VEPH1: variants seen among roughly 807,000 people sequenced by gnomAD.
The protein encoded by VEPH1 is ventricular zone-expressed PH domain-containing protein homolog 1.
A neutral mutation model predicts 85.2 loss-of-function variants in VEPH1; 80 were observed. That is an observed-to-expected ratio of 0.94 (90% CI 0.78 to 1.13). The LOEUF (loss-of-function observed/expected upper bound fraction) is 1.13. Ranked by LOEUF, VEPH1 falls within the 50% of genes most tolerant of loss-of-function variation. The pLI is 0.00. For synonymous variants in VEPH1, 297 were observed against 348.0 expected, an observed-to-expected ratio of 0.85 and a Z score of 1.63; for missense variants, 955 against 980.5, an observed-to-expected ratio of 0.97 and a Z score of 0.35.
At chr3:157,421,511 A>C (rs1732335634) in intron 5 of VEPH1, among the ~76,000 whole-genome samples, 1 of 152,212 alleles carries the variant, frequency 6.6e-6, no homozygotes, top group Non-Finnish European at 1.5e-5. Context: ...GAAATGAATT[A>C]GGCTTAACTT....
At chr3:157,415,962 C>T (rs141620627) in intron 5 of VEPH1, among the ~76,000 whole-genome samples, 33 of 152,198 alleles carry the variant, frequency 2.2e-4, no homozygotes, top group African/African-American at 5.8e-4. Flanking sequence ...TCCCAGTGTA[C>T]CCTAAGTGGC....
chr3:157,437,490 C>A (rs1386256618), intron 4 of VEPH1: 29 of 1,593,180 alleles, frequency 1.8e-5, no homozygotes, highest in Non-Finnish European at 2.5e-5. Context: ...GGGCTGCTAA[C>A]GTGTGTGTAT....
intron 2 of VEPH1, among the ~76,000 whole-genome samples, chr3:157,487,645 T>G (rs77385555): frequency 6.6e-6 from 1 of 152,142 alleles, no homozygotes; most frequent in Admixed American, 6.6e-5. Flanking sequence ...CAATCTCATA[T>G]ATAAGCATAG....
intron 11 of VEPH1, among the ~76,000 whole-genome samples, chr3:157,287,356 C>G (rs1176899066): frequency 6.6e-6 from 1 of 150,904 alleles, no homozygotes; most frequent in Non-Finnish European, 1.5e-5. Flanking sequence ...GCCCGGGTGA[C>G]AGAGTGAGAC....
At chr3:157,312,080 A>G (rs1294103449) in intron 11 of VEPH1, among the ~76,000 whole-genome samples, 1 of 152,186 alleles carries the variant, frequency 6.6e-6, no homozygotes, top group Non-Finnish European at 1.5e-5. Context: ...TTAGTTTCAC[A>G]AGAGACCAGT....
rs1731307380 is a variant in VEPH1, at chr3:157,408,582, C to T, written c.906+5299G>A. On this transcript the variant is annotated intron_variant, in intron 6 of 13. Transcript: ENST00000362010. The stretch of plus-strand genomic sequence containing the variant: ...GAGAGGTATAGGGAGGAGAAAAAGA[C>T]ATTAACCTGCAAATTGCAACACGAC... Among the ~76,000 whole-genome samples, 4 of 152,102 alleles carry T rather than the reference C, an allele frequency of 2.6e-5. No homozygotes were observed. In the South Asian group the frequency reaches 6.2e-4, roughly 24 times the overall value.
intron 4 of VEPH1, chr3:157,442,565 C>T: frequency 1.2e-6 from 2 of 1,614,204 alleles, no homozygotes; most frequent in Non-Finnish European, 1.7e-6. Context: ...GCTACCAATC[C>T]ATAGTGTTTG....
chr3:157,498,870 GTGTACATATACA>G (rs1158129162), intron 1 of VEPH1, among the ~76,000 whole-genome samples: 1 of 152,130 alleles, frequency 6.6e-6, no homozygotes, highest in Non-Finnish European at 1.5e-5. Flanking sequence ...CTGTGTGCAC[GTGTACATATACA>G]TGTATCATGT....
At chr3:157,387,139 C>T (rs566468760) in intron 6 of VEPH1, among the ~76,000 whole-genome samples, 28 of 152,186 alleles carry the variant, frequency 1.8e-4, no homozygotes, top group African/African-American at 6.5e-4. Context: ...TTTGTTGACC[C>T]CTGAACTAGA....
intron 9 of VEPH1, among the ~76,000 whole-genome samples, chr3:157,343,690 A>G (rs1309246058): frequency 3.3e-5 from 5 of 152,230 alleles, no homozygotes; most frequent in African/African-American, 9.7e-5. Flanking sequence ...GGCCAGCATC[A>G]TCCTGTTACC....
At chr3:157,345,828 C>T (rs1412239218) in intron 9 of VEPH1, among the ~76,000 whole-genome samples, 2 of 152,270 alleles carry the variant, frequency 1.3e-5, no homozygotes, top group East Asian at 3.9e-4. Context: ...GGCATATATA[C>T]ACCATGGAAT....
At chr3:157,345,575 G>A (rs1724119130) in intron 9 of VEPH1, among the ~76,000 whole-genome samples, 1 of 152,226 alleles carries the variant, frequency 6.6e-6, no homozygotes. Context: ...CTTTTACACT[G>A]TTGATGGGAC....
At chr3:157,496,621 AAG>A (rs967704307) in intron 1 of VEPH1, among the ~76,000 whole-genome samples, 39 of 152,242 alleles carry the variant, frequency 2.6e-4, no homozygotes, top group African/African-American at 9.1e-4. Flanking sequence ...GTTTGCCAGA[AAG>A]AGTGTGAAAA....
At chr3:157,330,839 A>T (rs1283365409) in intron 9 of VEPH1, among the ~76,000 whole-genome samples, 1 of 152,152 alleles carries the variant, frequency 6.6e-6, no homozygotes, top group African/African-American at 2.4e-5. Flanking sequence ...CGAGGCCACT[A>T]TGTTAACAGG....
intron 4 of VEPH1, among the ~76,000 whole-genome samples, chr3:157,455,134 A>C (rs1190276616): frequency 6.6e-6 from 1 of 152,174 alleles, no homozygotes; most frequent in Non-Finnish European, 1.5e-5. Flanking sequence ...TGGGTCAAAT[A>C]ATAGTTCTAT....
In VEPH1 at chr3:157,272,462, CCCTT is replaced by C. The variant is rs1714829069; in HGVS notation, c.2129-6804_2129-6801del. ...TTCCTTCTCTCTCTCTCTTTCTTCT[CCCTT>C]TCTTTTTTTTTTTCAGGGTCTCACT... is the stretch of plus-strand genomic sequence containing the variant. On this transcript the variant is annotated intron_variant, in intron 12 of 13. Coordinates refer to ENST00000362010, the MANE Select transcript of VEPH1 (RefSeq NM_001167912.2). Among the ~76,000 whole-genome samples, 4 of 115,738 alleles carry C rather than the reference CCCTT, an allele frequency of 3.5e-5. 1 individual carries two copies. Among genetic ancestry groups the C allele is most frequent in the South Asian group, 5.6e-4 (2 of 3,560 alleles). 75.9% of individuals were successfully genotyped at this position (115,738 alleles called of 152,430 possible).
At chr3:157,276,336 G>A (rs1437571682) in intron 12 of VEPH1, among the ~76,000 whole-genome samples, 1 of 152,180 alleles carries the variant, frequency 6.6e-6, no homozygotes, top group Non-Finnish European at 1.5e-5. Context: ...ACTGTGTTGT[G>A]AGAACCAGAG....
At chr3:157,438,037 G>GCACACACACACACACACACA in intron 4 of VEPH1, 1 of 514,744 alleles carries the variant, frequency 1.9e-6, no homozygotes, top group Non-Finnish European at 3.2e-6. Flanking sequence ...GCGCGCGCGC[G>GCACACACACACACACACACA]CACACACACA....
At chr3:157,386,938 G>C (rs1378996211) in intron 6 of VEPH1, among the ~76,000 whole-genome samples, 1 of 152,198 alleles carries the variant, frequency 6.6e-6, no homozygotes, top group Non-Finnish European at 1.5e-5. Context: ...TCCCTGAAAA[G>C]GTCTTGGTGT....
Sources: gnomAD v4.1 joint callset for allele counts (sites outside exome capture counted in the v4.1 genomes callset) on GRCh38, gnomAD v4.1.1 for gene constraint, MANE v1.5 for transcripts, NCBI Gene and HGNC (gene_info 2026-07-23, HGNC 2026-07-21) for gene names.